Variants in CTDNEP1 observed in about 807,000 individuals in gnomAD.
CTDNEP1 encodes C-terminal domain nuclear envelope phosphatase 1.
Under a neutral mutation model 30.1 loss-of-function variants are expected in CTDNEP1, and 3 were observed. The observed-to-expected ratio is 0.10, with a 90% CI of 0.05 to 0.26. The LOEUF is 0.26. CTDNEP1 is among the 10% of genes least tolerant of loss of function. The pLI is 1.00. For synonymous variants in CTDNEP1, 123 were observed against 118.8 expected, an observed-to-expected ratio of 1.04 and a Z score of -0.23; for missense variants, 158 against 310.4, an observed-to-expected ratio of 0.51 and a Z score of 3.69.
At chr17:7,247,443 GT>G in intron 1 of CTDNEP1, 100 bp from the exon 2 acceptor site, 1 of 830,868 alleles carries the variant, frequency 1.2e-6, no homozygotes, top group Non-Finnish European at 2.0e-6. Context: ...CAGGTACTAT[GT>G]ATGTAATTTA....
At chr17:7,244,266 A>G in intron 7 of CTDNEP1, 21 bp from the exon 8 acceptor site, 1 of 1,613,420 alleles carries the variant, frequency 6.2e-7, no homozygotes, top group Non-Finnish European at 8.5e-7. Flanking sequence ...AATAACTTGC[A>G]TTGGTAGAGT....
intron 1 of CTDNEP1, among the ~76,000 whole-genome samples, chr17:7,247,989 G>A (rs937617177): frequency 2.0e-5 from 3 of 151,716 alleles, no homozygotes; most frequent in African/African-American, 7.3e-5. Flanking sequence ...TCAGCCAGGC[G>A]CAGTGGCTCA....
rs775850261 is a variant in CTDNEP1, at chr17:7,247,305, G to A, written c.141C>T (p.Pro47=). 2 of 1,613,982 alleles carry A rather than the reference G, an allele frequency of 1.2e-6. No individual in the cohort carries two copies. The highest frequency in any genetic ancestry group is 2.2e-5 in the East Asian group (1 of 44,884). Reference sequence around the variant, plus strand: ...GCCGATTCCGGGACACAGGAGATAAGGGGAGGATATCATATCGAACAGTTT... The same window carrying A: ...GCCGATTCCGGGACACAGGAGATAAAGGGAGGATATCATATCGAACAGTTT... ...QYQTVRYDIL[P]LSPVSRNRLA... is the part of the protein sequence containing the mutation. The change falls in exon 2 of 8, where the codon CCC becomes CCT. Residue 47 remains proline (P), a synonymous_variant. Coordinates refer to ENST00000574322, the MANE Select transcript of CTDNEP1 (RefSeq NM_001143775.2).
Position 7,246,871 on chromosome 17 carries a change from G to T in CTDNEP1, c.289-9C>A. The T allele has an allele frequency of 6.2e-7, 1 of 1,612,644 alleles. No homozygotes were observed. The highest frequency in any genetic ancestry group is 8.5e-7 in the Non-Finnish European group (1 of 1,178,734). On this transcript the variant is annotated splice_polypyrimidine_tract_variant and intron_variant, in intron 3 of 7. Transcript: ENST00000574322. The surrounding 1 kb of genome is among the most constrained non-coding windows in gnomAD (Gnocchi z 4.9). ...TGTTTGTCTATTACCACCTACAGAGGAACAAGATGGGCTGGGGGATGTCAT... is the reference window on the plus strand; with the variant it reads ...TGTTTGTCTATTACCACCTACAGAGTAACAAGATGGGCTGGGGGATGTCAT...
At chr17:7,250,008 C>T (rs1391259879) in intron 1 of CTDNEP1, among the ~76,000 whole-genome samples, 1 of 152,062 alleles carries the variant, frequency 6.6e-6, no homozygotes, top group Non-Finnish European at 1.5e-5. Context: ...GGGGGAATAG[C>T]GCTGCTGCCT....
At position 7,246,851 on chromosome 17, in the gene CTDNEP1, G is replaced by C. The variant is rs769151293; in HGVS notation, c.300C>G (p.Asp100Glu). Residue 100 changes from aspartate (D) to glutamate (E), a missense_variant, in exon 4 of 8, where the codon GAC becomes GAG. Transcript: ENST00000574322. This position sits in a 1 kb window ranked among gnomAD's most constrained non-coding sequence, Gnocchi z 4.9. Reference protein sequence around the residue: ...PPDFILKVVIDKHPVRFFVHK... With the variant: ...PPDFILKVVIEKHPVRFFVHK... The stretch of plus-strand genomic sequence containing the variant: ...GTACAAAAAACCGGACAGGATGTTT[G>C]TCTATTACCACCTACAGAGGAACAA... 1 of 1,613,996 alleles carries C rather than the reference G, an allele frequency of 6.2e-7. No homozygotes were observed. The highest frequency in any genetic ancestry group is 8.5e-7 in the Non-Finnish European group (1 of 1,179,896).
Position 7,251,651 on chromosome 17 carries a change from G to A in CTDNEP1, c.-355C>T, listed in dbSNP as rs1275769372. 44 of 143,116 alleles carry A rather than the reference G, an allele frequency of 3.1e-4. No individual in the cohort carries two copies. The highest frequency in any genetic ancestry group is 9.1e-4 in the Admixed American group (13 of 14,358). The allele number at this position is 143,116 out of a possible 1,614,324, so 8.9% of individuals were successfully genotyped here. A position where few individuals can be genotyped will look rare whatever the true frequency, so the allele number is the denominator to read the frequency against. ...GGGGGAGGGGGCAGTGGGGGAGGGG[G>A]CTAGGGAAAAGGGAGGAAGGGAAAA... On this transcript the variant is annotated 5_prime_UTR_variant, in exon 1 of 8. Transcript: ENST00000574322.
chr17:7,244,142 C>T lies in CTDNEP1; in HGVS notation c.*43G>A, dbSNP rs955460819. 2.8e-5 allele frequency: 45 copies of T among 1,612,388 alleles called. No individual in the cohort carries two copies. Among genetic ancestry groups the T allele is most frequent in the Non-Finnish European group, 3.6e-5 (42 of 1,179,270 alleles). On this transcript the variant is annotated 3_prime_UTR_variant, in exon 8 of 8. Transcript: ENST00000574322. ...AGACGGCATCCCAAGGGCTCGCCCT[C>T]CCTTTCCCCCCCACCCCAACTCAGG... is the stretch of plus-strand genomic sequence containing the variant.
chr17:7,244,707 G>T, intron 6 of CTDNEP1, 72 bp from the exon 7 acceptor site: 2 of 1,180,510 alleles, frequency 1.7e-6, no homozygotes, highest in Non-Finnish European at 2.4e-6. Flanking sequence ...TTCTTGGAGG[G>T]AAGGAGGAAT....
At chr17:7,245,655 C>T (rs1018651932) in intron 6 of CTDNEP1, among the ~76,000 whole-genome samples, 6 of 151,522 alleles carry the variant, frequency 4.0e-5, no homozygotes, top group Admixed American at 6.6e-5. Flanking sequence ...TGCGCCACCA[C>T]GCCTGGCTAG....
chr17:7,251,081 C>A, intron 1 of CTDNEP1, 114 bp downstream of exon 1: 1 of 677,776 alleles, frequency 1.5e-6, no homozygotes, highest in Non-Finnish European at 2.4e-6. Context: ...AGCCAGGATT[C>A]CCTTCCTAGG....
At chr17:7,247,025 A>G (rs2071846893) in intron 3 of CTDNEP1, 39 bp downstream of exon 3, 1 of 1,515,636 alleles carries the variant, frequency 6.6e-7, no homozygotes, top group Non-Finnish European at 9.1e-7. Flanking sequence ...GGGCAGAGGA[A>G]CAGATGGAAC....
intron 6 of CTDNEP1, 60 bp downstream of exon 6, chr17:7,245,966 C>A: frequency 8.4e-7 from 1 of 1,195,082 alleles, no homozygotes; most frequent in South Asian, 1.2e-5. Context: ...AGGTCTCCTG[C>A]AAAAATACCT....
In CTDNEP1 at chr17:7,251,324, G is replaced by A. The variant is rs747095240; in HGVS notation, c.-28C>T. ...CGATGACCCCGGCACCGCCGGCCCC[G>A]GGGCCCCCGCGGCCCAGCTCCGCCA... On this transcript the variant is annotated 5_prime_UTR_variant, in exon 1 of 8. Coordinates refer to ENST00000574322, the MANE Select transcript of CTDNEP1 (RefSeq NM_001143775.2). The A allele has an allele frequency of 1.4e-5, 20 of 1,462,728 alleles. No individual in the cohort carries two copies. Among genetic ancestry groups the A allele is most frequent in the South Asian group, 1.1e-4 (8 of 72,938 alleles). The allele number at this position is 1,462,728 out of a possible 1,614,324, so 90.6% of individuals were successfully genotyped here. A position where few individuals can be genotyped will look rare whatever the true frequency, so the allele number is the denominator to read the frequency against.
rs1362923140 is a variant in CTDNEP1, at chr17:7,243,942, G to A, written c.*243C>T. On this transcript the variant is annotated 3_prime_UTR_variant, in exon 8 of 8. Transcript: ENST00000574322. ...ATTCGGCTCTCCTAGGCTTCCGCCT[G>A]TGTCCCAGTCTGGGGTTTCCATGGA... 3.7e-6 allele frequency: 5 copies of A among 1,359,810 alleles called. No individual in the cohort carries two copies. Among genetic ancestry groups the A allele is most frequent in the Non-Finnish European group, 3.8e-6 (4 of 1,053,330 alleles). 84.2% of individuals were successfully genotyped at this position (1,359,810 alleles called of 1,614,324 possible). A position where few individuals can be genotyped will look rare whatever the true frequency, so the allele number is the denominator to read the frequency against.
intron 1 of CTDNEP1, among the ~76,000 whole-genome samples, chr17:7,250,479 C>A (rs921617893): frequency 1.3e-5 from 2 of 152,162 alleles, no homozygotes; most frequent in Non-Finnish European, 2.9e-5. Context: ...CATTTTCAAG[C>A]CCTACAACTG....
At chr17:7,248,089 C>A (rs575478800) in intron 1 of CTDNEP1, among the ~76,000 whole-genome samples, 3 of 150,814 alleles carry the variant, frequency 2.0e-5, no homozygotes, top group Admixed American at 2.0e-4. Context: ...GGTGAAACCC[C>A]GTCTCTACTA....
At position 7,251,663 on chromosome 17, in the gene CTDNEP1, G is replaced by A. The variant is rs1012860216; in HGVS notation, c.-367C>T. ...AGTGGGGGAGGGGGCTAGGGAAAAGGGAGGAAGGGAAAAGGGAAGGGGAGG... is the reference window on the plus strand; with the variant it reads ...AGTGGGGGAGGGGGCTAGGGAAAAGAGAGGAAGGGAAAAGGGAAGGGGAGG... On this transcript the variant is annotated 5_prime_UTR_variant, in exon 1 of 8. Coordinates refer to ENST00000574322, the MANE Select transcript of CTDNEP1 (RefSeq NM_001143775.2). 6.2e-6 allele frequency: 1 copy of A among 161,844 alleles called. No individual in the cohort carries two copies. The highest frequency in any genetic ancestry group is 2.4e-5 in the African/African-American group (1 of 41,168). 10.0% of individuals were successfully genotyped at this position (161,844 alleles called of 1,614,324 possible).
chr17:7,247,400 C>G, intron 1 of CTDNEP1, 57 bp from the exon 2 acceptor site: 1 of 1,326,886 alleles, frequency 7.5e-7, no homozygotes, highest in Non-Finnish European at 1.1e-6. Context: ...TCCCCAGTAA[C>G]AGTAACAGGG....
Sources: gnomAD v4.1 joint callset for allele counts (sites outside exome capture counted in the v4.1 genomes callset) on GRCh38, gnomAD v4.1.1 for gene constraint, Gnocchi (gnomAD v3.1) non-coding constraint, MANE v1.5 for transcripts, NCBI Gene and HGNC (gene_info 2026-07-23, HGNC 2026-07-21) for gene names.